Variants in DSCAM observed in about 807,000 individuals in gnomAD.
The protein encoded by DSCAM is cell adhesion molecule DSCAM.
DSCAM carries 47 observed loss-of-function variants against 217.7 expected under a neutral mutation model. The observed-to-expected ratio is 0.22, with a 90% CI of 0.17 to 0.28. The LOEUF is 0.28. Among genes scored for constraint, DSCAM ranks in the 10% least tolerant of loss-of-function variants. The pLI is 1.00. For missense variants in DSCAM, 2,080 were observed against 2,618.3 expected (o/e 0.79, Z 4.49); for synonymous variants, 1,056 against 1,015.3 (o/e 1.04, Z -0.76).
At chr21:40,484,000 C>T (rs1348257410) in intron 3 of DSCAM, among the ~76,000 whole-genome samples, 1 of 152,034 alleles carries the variant, frequency 6.6e-6, no homozygotes, top group Non-Finnish European at 1.5e-5. Context: ...GGCTATTGGC[C>T]AATAATTACG....
chr21:40,820,540 T>G (rs1291998726), intron 1 of DSCAM, among the ~76,000 whole-genome samples: 1 of 152,164 alleles, frequency 6.6e-6, no homozygotes, highest in Admixed American at 6.5e-5. Flanking sequence ...GACAGGTTGA[T>G]AAGTGCAGCA....
chr21:40,228,006 C>T (rs896560456), intron 11 of DSCAM, among the ~76,000 whole-genome samples: 34 of 152,130 alleles, frequency 2.2e-4, no homozygotes, highest in African/African-American at 8.0e-4. Flanking sequence ...TGATGACTGT[C>T]AGTCTTGAGG....
intron 3 of DSCAM, among the ~76,000 whole-genome samples, chr21:40,372,105 C>A (rs1364497224): frequency 2.0e-5 from 3 of 152,154 alleles, no homozygotes; most frequent in Admixed American, 1.3e-4. Flanking sequence ...TATCAAGGGA[C>A]AACAAGGACA....
chr21:40,214,748 A>C (rs577416892), intron 11 of DSCAM, among the ~76,000 whole-genome samples: 10,226 of 151,214 alleles, frequency 0.068, 628 homozygotes, highest in African/African-American at 0.14. Context: ...AAAAAAAAAA[A>C]AAAACAAAAC....
intron 3 of DSCAM, among the ~76,000 whole-genome samples, chr21:40,530,739 T>C (rs923063529): frequency 6.6e-6 from 1 of 152,116 alleles, no homozygotes; most frequent in Non-Finnish European, 1.5e-5. Flanking sequence ...AGGCCCCTCC[T>C]AGAGCCACAG....
At chr21:40,267,639 G>A (rs112487326) in intron 11 of DSCAM, among the ~76,000 whole-genome samples, 5,520 of 152,300 alleles carry the variant, frequency 0.036, 331 homozygotes, top group African/African-American at 0.13. Context: ...GCTTACACCT[G>A]TAATCCCAAC....
chr21:40,209,128 C>G (rs1030435416), intron 11 of DSCAM, among the ~76,000 whole-genome samples: 1 of 152,152 alleles, frequency 6.6e-6, no homozygotes, highest in African/African-American at 2.4e-5. Flanking sequence ...CTCCCCTCAT[C>G]GTCTTCCACT....
chr21:40,749,314 C>T (rs2091204911), intron 1 of DSCAM, among the ~76,000 whole-genome samples: 1 of 152,034 alleles, frequency 6.6e-6, no homozygotes, highest in African/African-American at 2.4e-5. Flanking sequence ...ACTATTTGTG[C>T]ACTATGCATC....
rs73902630 is a variant in DSCAM, at chr21:40,454,635, C to T, written c.509-85390G>A. 2.0e-3 allele frequency among the ~76,000 whole-genome samples: 310 copies of T among 152,216 alleles called. 2 individuals carry two copies. The highest frequency in any genetic ancestry group is 6.7e-3 in the African/African-American group (280 of 41,514). On this transcript the variant is annotated intron_variant, in intron 3 of 32. Coordinates refer to ENST00000400454, the MANE Select transcript of DSCAM (RefSeq NM_001389.5). ...TCTTTGAAAAAAACTAAGTGATTTC[C>T]GTACATGCAAATCACCTTCCCAAAT...
At chr21:40,808,723 C>A (rs1037620313) in intron 1 of DSCAM, among the ~76,000 whole-genome samples, 2 of 152,146 alleles carry the variant, frequency 1.3e-5, no homozygotes, top group Non-Finnish European at 2.9e-5. Context: ...AATCCTCCCA[C>A]CTTGCCCTCC....
chr21:40,088,216 C>A (rs991699465), intron 21 of DSCAM, among the ~76,000 whole-genome samples: 1 of 152,096 alleles, frequency 6.6e-6, no homozygotes, highest in African/African-American at 2.4e-5. Context: ...AGCTCACCCT[C>A]GATGGATGCA....
intron 3 of DSCAM, among the ~76,000 whole-genome samples, chr21:40,379,721 C>T (rs781223654): frequency 2.1e-4 from 32 of 152,114 alleles, no homozygotes; most frequent in Non-Finnish European, 2.8e-4. Context: ...CCTGCTGCCC[C>T]CAAAGGTTTG....
chr21:40,426,714 C>A (rs1003229835), intron 3 of DSCAM, among the ~76,000 whole-genome samples: 2 of 152,114 alleles, frequency 1.3e-5, no homozygotes, highest in Non-Finnish European at 2.9e-5. Flanking sequence ...GAAAGAGGCC[C>A]AGCAAGCTTT....
chr21:40,273,489 T>C (rs2073646220), intron 11 of DSCAM, among the ~76,000 whole-genome samples: 1 of 152,138 alleles, frequency 6.6e-6, no homozygotes, highest in Non-Finnish European at 1.5e-5. Context: ...GAACAGAGAG[T>C]TACTCTTGCC....
intron 32 of DSCAM, among the ~76,000 whole-genome samples, chr21:40,031,367 G>C (rs541022989): frequency 6.6e-6 from 1 of 152,052 alleles, no homozygotes; most frequent in African/African-American, 2.4e-5. Context: ...AGACAGACCC[G>C]GTTAAAACAC....
chr21:40,122,306 T>C (rs1049229711), intron 20 of DSCAM, among the ~76,000 whole-genome samples: 2 of 152,080 alleles, frequency 1.3e-5, no homozygotes, highest in Admixed American at 6.6e-5. Context: ...GAGATAAAGA[T>C]AAGATGATTG....
chr21:40,776,096 TTA>T (rs1380193462), intron 1 of DSCAM, among the ~76,000 whole-genome samples: 3 of 152,182 alleles, frequency 2.0e-5, no homozygotes, highest in Admixed American at 6.5e-5. Flanking sequence ...GCAAAAATAT[TTA>T]TGTTATTATT....
Position 40,597,988 on chromosome 21 carries a change from T to C in DSCAM, c.508+94822A>G, listed in dbSNP as rs950741352. Among the ~76,000 whole-genome samples, 3 of 152,316 alleles carry C rather than the reference T, an allele frequency of 2.0e-5. No homozygotes were observed. The East Asian group carries it at 5.8e-4, about 29-fold the overall frequency. ...GCGATTTACATTAAGCTGTACTCTG[T>C]GTGTTGTACGTTCTGTGCCTTCTGA... On this transcript the variant is annotated intron_variant, in intron 3 of 32. Coordinates refer to ENST00000400454, the MANE Select transcript of DSCAM (RefSeq NM_001389.5).
chr21:40,282,590 CAAAAAAAAA>C lies in DSCAM; in HGVS notation c.2183-6329_2183-6321del, dbSNP rs528248714. Among the ~76,000 whole-genome samples, 5 of 32,946 alleles carry C rather than the reference CAAAAAAAAA, an allele frequency of 1.5e-4. No homozygotes were observed. In the East Asian group the frequency reaches 2.0e-3, roughly 13 times the overall value. The allele number at this position is 32,946 out of a possible 152,430, so 21.6% of individuals were successfully genotyped here. ...TGGGCGAAAGAGCGAGACTCTGTCT[CAAAAAAAAA>C]AAAAAAAAAAAAAAAAAAAAAGATA... On this transcript the variant is annotated intron_variant, in intron 10 of 32. Transcript: ENST00000400454.
Sources: allele counts gnomAD v4.1 joint callset (sites outside exome capture counted in the v4.1 genomes callset), GRCh38; gene constraint gnomAD v4.1.1; transcripts MANE v1.5; gene names NCBI Gene and HGNC (gene_info 2026-07-23, HGNC 2026-07-21).